The following MCTS1 variants were observed in gnomAD, a reference collection of about 807,000 sequenced individuals.
The protein encoded by MCTS1 is malignant T-cell-amplified sequence 1.
For missense variants in MCTS1, 55 were observed against 128.6 expected (o/e 0.43, Z 2.77); for synonymous variants, 26 against 40.8 (o/e 0.64, Z 1.38).
chrX:120,619,919 C>T lies in MCTS1; in HGVS notation c.*7655C>T, dbSNP rs1283490904. 8.9e-6 allele frequency among the ~76,000 whole-genome samples: 1 copy of T among 111,859 alleles called. No homozygotes were observed. Among genetic ancestry groups the T allele is most frequent in the Non-Finnish European group, 1.9e-5 (1 of 53,265 alleles). On this transcript the variant is annotated 3_prime_UTR_variant, in exon 6 of 6. Coordinates refer to ENST00000371317, the MANE Select transcript of MCTS1 (RefSeq NM_014060.3). ...AAATGTTATGCTATTTCAAAGTCTT[C>T]TACATCTTTAGAAAAGGACATGAGG...
rs181584489 is a variant in MCTS1 at position 120,604,608 on chromosome X, C to T, written c.11+361C>T. ...GAGAGGGGAGCCCTGCGCTCACTGC[C>T]ATATGTTTATTAGTTATGAACTGAA... is the stretch of plus-strand genomic sequence containing the variant. On this transcript the variant is annotated intron_variant, in intron 1 of 5. Transcript: ENST00000371317. 3.9e-5 allele frequency: 35 copies of T among 904,114 alleles called. 1 individual carries two copies. The East Asian group carries it at 9.8e-4, about 25-fold the overall frequency. The allele number at this position is 904,114 out of a possible 1,213,427, so 74.5% of individuals were successfully genotyped here. A position where few individuals can be genotyped will look rare whatever the true frequency, so the allele number is the denominator to read the frequency against.
At chrX:120,609,396 T>C (rs1346835864) in intron 4 of MCTS1, among the ~76,000 whole-genome samples, 2 of 111,093 alleles carry the variant, frequency 1.8e-5, no homozygotes, top group African/African-American at 6.6e-5. Flanking sequence ...TTGGTCAGGC[T>C]AGTCTCAAAC....
At chrX:120,604,878 T>G in intron 1 of MCTS1, 2 of 1,154,998 alleles carry the variant, frequency 1.7e-6, no homozygotes, top group South Asian at 2.0e-5. Context: ...GTGGGTTTTG[T>G]GCATGAAATT....
Position 120,604,171 on chromosome X carries a change from C to T in MCTS1, c.-66C>T, listed in dbSNP as rs1418333548. On this transcript the variant is annotated 5_prime_UTR_variant, in exon 1 of 6. Transcript: ENST00000371317. Reference sequence around the variant, plus strand: ...CCTCGTGTGAGGGGATCTGCCGGACCCCTGCAAATTCAATTTCTTTCCCAT... The same window carrying T: ...CCTCGTGTGAGGGGATCTGCCGGACTCCTGCAAATTCAATTTCTTTCCCAT... The T allele has an allele frequency of 8.5e-7, 1 of 1,172,129 alleles. No individual in the cohort carries two copies. The highest frequency in any genetic ancestry group is 1.8e-5 in the African/African-American group (1 of 56,803).
At chrX:120,608,955 C>T (rs1436561777) in intron 4 of MCTS1, among the ~76,000 whole-genome samples, 1 of 111,698 alleles carries the variant, frequency 9.0e-6, no homozygotes, top group Admixed American at 9.5e-5. Flanking sequence ...GTCAGAGTCC[C>T]AGATGGTCCT....
rs146504799 is a variant in MCTS1 at position 120,616,452 on chromosome X, T to C, written c.*4188T>C. On this transcript the variant is annotated 3_prime_UTR_variant, in exon 6 of 6. Coordinates refer to ENST00000371317, the MANE Select transcript of MCTS1 (RefSeq NM_014060.3). ...GATGTTATCAACTATAACAACAATT[T>C]GTTGAATACTGTGTTAAAACCAAGT... is the stretch of plus-strand genomic sequence containing the variant. Among the ~76,000 whole-genome samples the C allele has an allele frequency of 0.012, 1,354 of 112,018 alleles. 22 individuals carry two copies. The East Asian group carries it at 0.13, about 11-fold the overall frequency.
At chrX:120,611,127 C>G in intron 5 of MCTS1, 49 bp downstream of exon 5, 1 of 1,095,539 alleles carries the variant, frequency 9.1e-7, no homozygotes, top group East Asian at 3.0e-5. Context: ...GGGTAACCAA[C>G]CCAGGAAGCA....
Position 120,604,102 on chromosome X carries a change from T to A in MCTS1, c.-135T>A. 1.2e-6 allele frequency: 1 copy of A among 810,118 alleles called. No homozygotes were observed. The highest frequency in any genetic ancestry group is 2.5e-5 in the South Asian group (1 of 39,964). 66.8% of individuals were successfully genotyped at this position (810,118 alleles called of 1,213,427 possible). ...AGCCGTAAAGCGCGGCTGGCTCTCG[T>A]TTTCCGGATAACGACTACAGCTCCG... is the stretch of plus-strand genomic sequence containing the variant. On this transcript the variant is annotated 5_prime_UTR_variant, in exon 1 of 6. Coordinates refer to ENST00000371317, the MANE Select transcript of MCTS1 (RefSeq NM_014060.3).
At chrX:120,610,043 C>T (rs1010541680) in intron 4 of MCTS1, among the ~76,000 whole-genome samples, 2 of 112,078 alleles carry the variant, frequency 1.8e-5, no homozygotes, top group African/African-American at 6.5e-5. Flanking sequence ...CCATTCAGGC[C>T]GGGTGTGGTG....
rs1391037796 is a variant in MCTS1 at position 120,618,964 on chromosome X, G to A, written c.*6700G>A. Among the ~76,000 whole-genome samples the A allele has an allele frequency of 9.0e-6, 1 of 111,681 alleles. No homozygotes were observed. The highest frequency in any genetic ancestry group is 3.3e-5 in the African/African-American group (1 of 30,724). ...GATGCAGGAATCTCACTTAAGTAGC[G>A]GTTTTTGCTGATATAAAGACAAACA... On this transcript the variant is annotated 3_prime_UTR_variant, in exon 6 of 6. Coordinates refer to ENST00000371317, the MANE Select transcript of MCTS1 (RefSeq NM_014060.3).
In MCTS1 at chrX:120,618,930, A is replaced by G. The variant is rs7067205; in HGVS notation, c.*6666A>G. Among the ~76,000 whole-genome samples, 681 of 112,056 alleles carry G rather than the reference A, an allele frequency of 6.1e-3. 8 individuals carry two copies. Among genetic ancestry groups the G allele is most frequent in the African/African-American group, 0.021 (633 of 30,865 alleles). On this transcript the variant is annotated 3_prime_UTR_variant, in exon 6 of 6. Transcript: ENST00000371317. ...TCTCAAGTACCAAATGCCCAGATAC[A>G]TTTATTGGGATGCAGGAATCTCACT...
At position 120,613,157 on chromosome X, in the gene MCTS1, C is replaced by A. The variant is rs1432515895; in HGVS notation, c.*893C>A. Among the ~76,000 whole-genome samples the A allele has an allele frequency of 9.1e-6, 1 of 110,212 alleles. No homozygotes were observed. The highest frequency in any genetic ancestry group is 1.9e-5 in the Non-Finnish European group (1 of 52,845). The stretch of plus-strand genomic sequence containing the variant: ...GCCAGACTGGTCTTGAACTCTTGGC[C>A]TCAAGTGATCCGTCCCCCTCTGCCT... On this transcript the variant is annotated 3_prime_UTR_variant, in exon 6 of 6. Transcript: ENST00000371317.
intron 1 of MCTS1, 99 bp downstream of exon 1, chrX:120,604,346 C>G: frequency 9.4e-7 from 1 of 1,068,726 alleles, no homozygotes; most frequent in East Asian, 3.1e-5. Context: ...CTCTCCCCCG[C>G]CCCTGCCATC....
At chrX:120,605,361 T>C in intron 1 of MCTS1, 46 bp from the exon 2 acceptor site, 1 of 1,113,716 alleles carries the variant, frequency 9.0e-7, no homozygotes, top group East Asian at 3.2e-5. Context: ...TTCTGATACC[T>C]CTACTTAGAA....
chrX:120,612,441 G>A lies in MCTS1; in HGVS notation c.*177G>A. 1 of 404,008 alleles carries A rather than the reference G, an allele frequency of 2.5e-6. No individual in the cohort carries two copies. Among genetic ancestry groups the A allele is most frequent in the Non-Finnish European group, 4.3e-6 (1 of 231,713 alleles). 33.3% of individuals were successfully genotyped at this position (404,008 alleles called of 1,213,427 possible). On this transcript the variant is annotated 3_prime_UTR_variant, in exon 6 of 6. Coordinates refer to ENST00000371317, the MANE Select transcript of MCTS1 (RefSeq NM_014060.3). ...TTTTCTTAAACTCAAGTTAAAATTGGGTAGCAAACTTGGACATTAAAAGGT... is the reference window on the plus strand; with the variant it reads ...TTTTCTTAAACTCAAGTTAAAATTGAGTAGCAAACTTGGACATTAAAAGGT...
At chrX:120,612,022 A>G (rs1208882920) in intron 5 of MCTS1, among the ~76,000 whole-genome samples, 161 bp from the exon 6 acceptor site, 1 of 112,184 alleles carries the variant, frequency 8.9e-6, no homozygotes, top group Non-Finnish European at 1.9e-5. Context: ...CCACAGAGTA[A>G]TGTAGTTTAA....
chrX:120,611,347 T>C, intron 5 of MCTS1: 1 of 222,471 alleles, frequency 4.5e-6, no homozygotes, highest in Non-Finnish European at 8.1e-6. Context: ...AGGAATCTTA[T>C]TTAGTATCAT....
rs1260900977 is a variant in MCTS1, at chrX:120,619,665, A to G, written c.*7401A>G. 9.0e-6 allele frequency among the ~76,000 whole-genome samples: 1 copy of G among 111,222 alleles called. No homozygotes were observed. Among genetic ancestry groups the G allele is most frequent in the Admixed American group, 9.6e-5 (1 of 10,424 alleles). On this transcript the variant is annotated 3_prime_UTR_variant, in exon 6 of 6. Coordinates refer to ENST00000371317, the MANE Select transcript of MCTS1 (RefSeq NM_014060.3). ...AATCACCATCTTTATGGGTTATTGG[A>G]GAGAGGTATAAGTTGGCAAGACTCT...
At position 120,613,249 on chromosome X, in the gene MCTS1, G is replaced by T. The variant is rs760320484; in HGVS notation, c.*985G>T. ...CTAATTTTTATATATTTTATAGTTG[G>T]CCAGGCTGGTCTTGAACTCCTGGCC... On this transcript the variant is annotated 3_prime_UTR_variant, in exon 6 of 6. Transcript: ENST00000371317. Among the ~76,000 whole-genome samples the T allele has an allele frequency of 9.1e-6, 1 of 110,466 alleles. No homozygotes were observed. The highest frequency in any genetic ancestry group is 2.8e-4 in the East Asian group (1 of 3,546).
Sources: allele counts gnomAD v4.1 joint callset (sites outside exome capture counted in the v4.1 genomes callset), GRCh38; gene constraint gnomAD v4.1.1; transcripts MANE v1.5; gene names NCBI Gene and HGNC (gene_info 2026-07-23, HGNC 2026-07-21).